Variants in SYNJ1 observed in about 807,000 individuals in gnomAD.
The protein encoded by SYNJ1 is synaptojanin 1, also known as polyphosphatidylinositol phosphatase SYNJ1.
In SYNJ1, 78 loss-of-function variants were observed where a neutral mutation model predicts 168.2. That is an observed-to-expected ratio of 0.46 (90% CI 0.39 to 0.56). SYNJ1 has a LOEUF of 0.56. Ranked by LOEUF, SYNJ1 falls within the 20% of genes least tolerant of loss-of-function variation. The pLI is 0.00. For missense variants in SYNJ1, 1,303 were observed against 1,597.6 expected, an observed-to-expected ratio of 0.82 and a Z score of 3.14; for synonymous variants, 539 against 548.6, an observed-to-expected ratio of 0.98 and a Z score of 0.24.
intron 2 of SYNJ1, among the ~76,000 whole-genome samples, chr21:32,716,280 C>T (rs904456665): frequency 1.3e-5 from 2 of 152,128 alleles, no homozygotes; most frequent in African/African-American, 4.8e-5. Context: ...TTTATAATCT[C>T]AAAAGTTTTG....
chr21:32,693,901 A>G (rs1031576900), intron 6 of SYNJ1, among the ~76,000 whole-genome samples: 1 of 152,210 alleles, frequency 6.6e-6, no homozygotes, highest in Non-Finnish European at 1.5e-5. Context: ...TCTTCTGCCT[A>G]AAGAGACTAA....
intron 18 of SYNJ1, among the ~76,000 whole-genome samples, chr21:32,660,278 A>C (rs2040639001): frequency 6.6e-6 from 1 of 152,252 alleles, no homozygotes; most frequent in African/African-American, 2.4e-5. Flanking sequence ...ACCCTTGGGC[A>C]AAACCTGAAT....
At chr21:32,664,748 C>T (rs2040857164) in intron 18 of SYNJ1, among the ~76,000 whole-genome samples, 165 bp downstream of exon 18, 1 of 152,148 alleles carries the variant, frequency 6.6e-6, no homozygotes. Flanking sequence ...GTCTGCAGCT[C>T]ATCCTGCTAC....
chr21:32,654,354 C>A (rs1369340371), intron 21 of SYNJ1, among the ~76,000 whole-genome samples: 2 of 152,150 alleles, frequency 1.3e-5, no homozygotes, highest in African/African-American at 4.8e-5. Context: ...CAGATATGAC[C>A]AAGGCAACTG....
intron 18 of SYNJ1, among the ~76,000 whole-genome samples, chr21:32,659,110 T>A (rs868534310): frequency 2.2e-4 from 33 of 150,586 alleles, no homozygotes; most frequent in South Asian, 6.3e-4. Context: ...AAAAAAAAAA[T>A]TTAATAAATT....
chr21:32,682,447 A>C (rs968147372), intron 10 of SYNJ1, among the ~76,000 whole-genome samples: 1 of 152,188 alleles, frequency 6.6e-6, no homozygotes, highest in Non-Finnish European at 1.5e-5. Context: ...GTGATCATCC[A>C]TAATTATAGA....
intron 2 of SYNJ1, 129 bp from the exon 3 acceptor site, chr21:32,702,176 T>C (rs1601477637): frequency 1.7e-6 from 1 of 574,372 alleles, no homozygotes. Flanking sequence ...TACTGCATAT[T>C]TTCTTAAACT....
intron 12 of SYNJ1, 105 bp from the exon 13 acceptor site, chr21:32,676,460 C>T: frequency 9.7e-7 from 1 of 1,025,770 alleles, no homozygotes; most frequent in Non-Finnish European, 1.4e-6. Context: ...TCACTTAAGT[C>T]AATTTGATGA....
chr21:32,657,401 A>G (rs927995873), intron 19 of SYNJ1, among the ~76,000 whole-genome samples: 2 of 152,262 alleles, frequency 1.3e-5, no homozygotes, highest in Non-Finnish European at 2.9e-5. Context: ...AATTCAAGAG[A>G]CAAGTGGCAG....
chr21:32,703,960 A>G (rs1335934214), intron 2 of SYNJ1, among the ~76,000 whole-genome samples: 3 of 152,116 alleles, frequency 2.0e-5, no homozygotes, highest in Non-Finnish European at 4.4e-5. Context: ...GGCTCAAGCA[A>G]TCCTCCTGTC....
At position 32,670,319 on chromosome 21, in the gene SYNJ1, C is replaced by G; in HGVS notation, c.1780G>C (p.Glu594Gln). Residue 594 changes from glutamate (E) to glutamine (Q), a missense_variant, in exon 15 of 33, where the codon GAA (glutamate) becomes CAA (glutamine). Glu to Gln is a conservative substitution (Grantham distance 29). Coordinates refer to ENST00000674351, the MANE Select transcript of SYNJ1 (RefSeq NM_203446.3). ...IFAIGFEEMV[E>Q]LNAGNIVSAS... ...CTCACAATGTTTCCAGCATTCAATT[C>G]TACCATTTCTTCAAAACCAATTGCA... is the stretch of plus-strand genomic sequence containing the variant. 1 of 1,613,624 alleles carries G rather than the reference C, an allele frequency of 6.2e-7. No individual in the cohort carries two copies. Among genetic ancestry groups the G allele is most frequent in the East Asian group, 2.2e-5 (1 of 44,818 alleles).
At chr21:32,678,593 C>T in intron 12 of SYNJ1, 52 bp downstream of exon 12, 1 of 1,492,580 alleles carries the variant, frequency 6.7e-7, no homozygotes, top group Non-Finnish European at 8.9e-7. Flanking sequence ...TTACATTTAC[C>T]TCTTGGACCT....
Position 32,701,988 on chromosome 21 carries a change from G to A in SYNJ1, c.184C>T (p.Leu62Phe), listed in dbSNP as rs1555908160. 6.3e-7 allele frequency: 1 copy of A among 1,575,492 alleles called. No homozygotes were observed. Among genetic ancestry groups the A allele is most frequent in the Non-Finnish European group, 8.7e-7 (1 of 1,154,260 alleles). Residue 62 changes from leucine (L) to phenylalanine (F), a missense_variant, in exon 3 of 33, where the codon CTC (leucine) becomes TTC (phenylalanine). Around this residue, in one of 2 missense-constraint regions of SYNJ1, gnomAD observed 920 missense variants for 1,208.8 expected, o/e 0.76. Transcript: ENST00000674351. The part of the protein sequence containing the change: ...TYSKVLDAYG[L>F]LGVLRLNLGD... ...AGATTTAACCGCAGAACACCTAAGA[G>A]TCCATATGCATCCAGTACTTTGGAG... is the stretch of plus-strand genomic sequence containing the variant.
upstream of SYNJ1, chr21:32,728,227 G>A (rs2043569235): frequency 7.8e-6 from 5 of 642,056 alleles, no homozygotes; most frequent in Non-Finnish European, 1.3e-5. Context: ...CACCGCCGGG[G>A]GTGCAGGGAG....
At chr21:32,665,205 T>C in intron 17 of SYNJ1, 134 bp from the exon 18 acceptor site, 1 of 898,434 alleles carries the variant, frequency 1.1e-6, no homozygotes, top group Non-Finnish European at 1.6e-6. Flanking sequence ...ATAACACATG[T>C]GAAACGAAAA....
rs1187713659 is a variant in SYNJ1 at position 32,629,254 on chromosome 21, A to ATT, written c.*2550_*2551insAA. On this transcript the variant is annotated 3_prime_UTR_variant, in exon 33 of 33. Coordinates refer to ENST00000674351, the MANE Select transcript of SYNJ1 (RefSeq NM_203446.3). ...AATACCATATACACTAGTCACATGG[A>ATT]TGTTAAAGCCACAGTTTCAACAAGT... 6.6e-6 allele frequency: 1 copy of ATT among 152,646 alleles called. No homozygotes were observed. The highest frequency in any genetic ancestry group is 2.4e-5 in the African/African-American group (1 of 41,446). The allele number at this position is 152,646 out of a possible 1,614,324, so 9.5% of individuals were successfully genotyped here.
chr21:32,702,118 C>T (rs2042426374), intron 2 of SYNJ1, 71 bp from the exon 3 acceptor site: 5 of 1,130,970 alleles, frequency 4.4e-6, no homozygotes, highest in Non-Finnish European at 6.3e-6. Context: ...AGTATAAATC[C>T]AGAGTTTCAA....
chr21:32,703,800 A>ACCT (rs898430731), intron 2 of SYNJ1, among the ~76,000 whole-genome samples: 1 of 151,686 alleles, frequency 6.6e-6, no homozygotes, highest in African/African-American at 2.4e-5. Context: ...TGCAGCCTTG[A>ACCT]CCTCCAGGGC....
chr21:32,649,015 C>T (rs193040795), intron 23 of SYNJ1, among the ~76,000 whole-genome samples: 1 of 152,212 alleles, frequency 6.6e-6, no homozygotes, highest in South Asian at 2.1e-4. Context: ...TCCATTCTCC[C>T]TGAGTCTTTG....
Sources: gnomAD v4.1 joint callset for allele counts (sites outside exome capture counted in the v4.1 genomes callset) on GRCh38, gnomAD v4.1.1 for gene constraint, gnomAD v4.1.1 regional missense constraint, MANE v1.5 for transcripts, NCBI Gene and HGNC (gene_info 2026-07-23, HGNC 2026-07-21) for gene names.